The following OLAH variants were observed in gnomAD, a reference collection of about 807,000 sequenced individuals.
OLAH encodes S-acyl fatty acid synthase thioesterase, medium chain.
Under a neutral mutation model 27.8 loss-of-function variants are expected in OLAH, and 33 were observed. The ratio of observed to expected loss-of-function variants is 1.19; its 90% CI spans 0.90 to 1.59. OLAH has a LOEUF of 1.59. Among genes scored for constraint, OLAH ranks in the 40% most tolerant of loss-of-function variants. The probability of loss-of-function intolerance (pLI) is 0.00; values close to 1 mark genes in which losing one functional copy is unlikely to be tolerated. For synonymous variants in OLAH, 120 were observed against 102.9 expected (o/e 1.17, Z -1.01); for missense variants, 359 against 310.8 (o/e 1.16, Z -1.17).
chr10:15,049,078 G>A (rs1844079531), intron 2 of OLAH, among the ~76,000 whole-genome samples: 2 of 150,562 alleles, frequency 1.3e-5, no homozygotes, highest in South Asian at 4.2e-4. Flanking sequence ...ATTCCAGCCT[G>A]GGCAACAAAG....
At chr10:15,045,760 G>A (rs756481561) in intron 1 of OLAH, among the ~76,000 whole-genome samples, 2 of 152,112 alleles carry the variant, frequency 1.3e-5, no homozygotes, top group Non-Finnish European at 2.9e-5. Flanking sequence ...GGGATCCAAG[G>A]AGCTCCTAGG....
At chr10:15,041,043 T>C (rs901056631), upstream of OLAH, among the ~76,000 whole-genome samples, 2 of 152,190 alleles carry the variant, frequency 1.3e-5, no homozygotes, top group African/African-American at 4.8e-5. Flanking sequence ...CAGTGAACAA[T>C]GTTGGTGCTC....
intron 2 of OLAH, among the ~76,000 whole-genome samples, chr10:15,047,887 T>A (rs978236020): frequency 6.6e-6 from 1 of 152,154 alleles, no homozygotes; most frequent in Admixed American, 6.6e-5. Flanking sequence ...TATTTTGTTA[T>A]GAAGAACAAA....
chr10:15,034,115 C>CTTTTTTT (rs1285548864), intron 1 of OLAH, among the ~76,000 whole-genome samples: 1 of 77,878 alleles, frequency 1.3e-5, no homozygotes, highest in African/African-American at 4.4e-5. Flanking sequence ...TTTTTTTTTT[C>CTTTTTTT]TTTTTTTTTT....
chr10:15,069,477 T>C (rs546447566), intron 6 of OLAH, among the ~76,000 whole-genome samples: 18 of 152,248 alleles, frequency 1.2e-4, no homozygotes, highest in African/African-American at 4.3e-4. Context: ...GCCAGTCCAA[T>C]TGCCACAGCT....
chr10:15,056,771 C>T lies in OLAH; in HGVS notation c.164-4953C>T, dbSNP rs1300262300. ...TCAGCCTCCTGAGTAGCTGGGACTA[C>T]AGGCATACACCACTATGCTCGGCTA... On this transcript the variant is annotated intron_variant, in intron 3 of 7. Coordinates refer to ENST00000378228, the MANE Select transcript of OLAH (RefSeq NM_001039702.3). The T allele has an allele frequency of 3.8e-6, 5 of 1,333,182 alleles. No homozygotes were observed. The African/African-American group carries it at 4.5e-5, about 12-fold the overall frequency. 82.6% of individuals were successfully genotyped at this position (1,333,182 alleles called of 1,614,324 possible).
At chr10:15,043,112 G>A (rs937531838), upstream of OLAH, among the ~76,000 whole-genome samples, 4 of 151,838 alleles carry the variant, frequency 2.6e-5, no homozygotes, top group Admixed American at 6.6e-5. Flanking sequence ...CACCCGCCTT[G>A]GCCTCCCAAA....
intron 6 of OLAH, among the ~76,000 whole-genome samples, chr10:15,069,006 A>G (rs1446651322): frequency 1.3e-5 from 2 of 152,122 alleles, no homozygotes; most frequent in East Asian, 1.9e-4. Context: ...CCTGTGACTC[A>G]TAGAACAGCC....
chr10:15,033,545 G>C (rs993141246), intron 1 of OLAH, among the ~76,000 whole-genome samples: 3 of 151,996 alleles, frequency 2.0e-5, no homozygotes, highest in African/African-American at 7.2e-5. Flanking sequence ...AGAGAGAAGA[G>C]GTGATGTCTT....
intron 3 of OLAH, among the ~76,000 whole-genome samples, chr10:15,058,873 C>T (rs2131362685): frequency 6.6e-6 from 1 of 152,030 alleles, no homozygotes; most frequent in Non-Finnish European, 1.5e-5. Context: ...TTGTTCCCTC[C>T]CTTCCTACCC....
At position 15,044,456 on chromosome 10, in the gene OLAH, CT is replaced by C. The variant is rs111706883; in HGVS notation, c.-164+479del. On this transcript the variant is annotated intron_variant, in intron 1 of 7. Transcript: ENST00000378228. ...TTTATATATATATATTTTTTTCTTTCTTTTTTTTTAAATTTTGAGATAGAGT... is the reference window on the plus strand; with the variant it reads ...TTTATATATATATATTTTTTTCTTTCTTTTTTTTAAATTTTGAGATAGAGT... 1.7e-4 allele frequency among the ~76,000 whole-genome samples: 25 copies of C among 149,636 alleles called. No homozygotes were observed. In the South Asian group the frequency reaches 4.8e-3, roughly 29 times the overall value.
chr10:15,062,867 T>C (rs990234273), intron 4 of OLAH, among the ~76,000 whole-genome samples: 4 of 151,708 alleles, frequency 2.6e-5, no homozygotes, highest in Non-Finnish European at 5.9e-5. Context: ...GCCTCTCAAA[T>C]AGCTGGAATT....
chr10:15,070,786 T>A (rs940460569), intron 6 of OLAH, among the ~76,000 whole-genome samples: 2 of 148,244 alleles, frequency 1.3e-5, no homozygotes, highest in African/African-American at 2.5e-5. Flanking sequence ...TGAACTTTTT[T>A]TTTTTTTTTT....
intron 3 of OLAH, among the ~76,000 whole-genome samples, chr10:15,059,205 C>T: frequency 7.6e-6 from 1 of 131,816 alleles, no homozygotes. Flanking sequence ...TCTGTCCATC[C>T]ATCCGTCCAT....
chr10:15,066,111 C>A (rs1305025692), intron 6 of OLAH, among the ~76,000 whole-genome samples: 4 of 151,942 alleles, frequency 2.6e-5, no homozygotes, highest in African/African-American at 7.2e-5. Flanking sequence ...TGTGATGGTG[C>A]ACACCTGTAA....
chr10:15,041,892 T>C (rs929413401), upstream of OLAH, among the ~76,000 whole-genome samples: 1 of 152,030 alleles, frequency 6.6e-6, no homozygotes, highest in Middle Eastern at 3.2e-3. Flanking sequence ...CTTTGACCCG[T>C]TGGCATCCTC....
intron 1 of OLAH, among the ~76,000 whole-genome samples, chr10:15,036,857 G>A (rs1171299094): frequency 6.6e-6 from 1 of 152,090 alleles, no homozygotes; most frequent in African/African-American, 2.4e-5. Context: ...GAGGCAGGCA[G>A]ATCACGAGGT....
At chr10:15,065,462 G>C (rs1589251934) in intron 5 of OLAH, 122 bp from the exon 6 acceptor site, 1 of 1,004,562 alleles carries the variant, frequency 1.0e-6, no homozygotes, top group East Asian at 2.6e-5. Flanking sequence ...GAAGCCTATA[G>C]ATAAAGCAGT....
rs568300116 is a variant in OLAH at position 15,073,609 on chromosome 10, G to A, written c.*380G>A. On this transcript the variant is annotated 3_prime_UTR_variant, in exon 8 of 8. Coordinates refer to ENST00000378228, the MANE Select transcript of OLAH (RefSeq NM_001039702.3). ...TGGGAGGTGGAGCTTGCAGTGAACCGAGATCGCTCCACTGCACTCCAGCCT... is the reference window on the plus strand; with the variant it reads ...TGGGAGGTGGAGCTTGCAGTGAACCAAGATCGCTCCACTGCACTCCAGCCT... 12 of 150,618 alleles carry A rather than the reference G, an allele frequency of 8.0e-5. No individual in the cohort carries two copies. The highest frequency in any genetic ancestry group is 6.0e-4 in the South Asian group (3 of 5,036). The allele number at this position is 150,618 out of a possible 1,614,324, so 9.3% of individuals were successfully genotyped here.
Sources: gnomAD v4.1 joint callset for allele counts (sites outside exome capture counted in the v4.1 genomes callset) on GRCh38, gnomAD v4.1.1 for gene constraint, MANE v1.5 for transcripts, NCBI Gene and HGNC (gene_info 2026-07-23, HGNC 2026-07-21) for gene names.